Variants in DNASE1 observed in about 807,000 individuals in gnomAD.
The protein encoded by DNASE1 is deoxyribonuclease 1, also known as deoxyribonuclease-1.
Under a neutral mutation model 33.9 loss-of-function variants are expected in DNASE1, and 40 were observed. That is an observed-to-expected ratio of 1.18 (90% CI 0.92 to 1.54). The LOEUF is 1.54. Among genes scored for constraint, DNASE1 ranks in the 40% most tolerant of loss-of-function variants. The pLI, the probability that DNASE1 is intolerant of heterozygous loss-of-function variation, is 0.00. For missense variants in DNASE1, 518 were observed against 372.6 expected, an observed-to-expected ratio of 1.39 and a Z score of -3.21; for synonymous variants, 216 against 160.0, an observed-to-expected ratio of 1.35 and a Z score of -2.64.
intron 4 of DNASE1, 100 bp from the exon 5 acceptor site, chr16:3,656,538 C>G: frequency 1.1e-6 from 1 of 911,088 alleles, no homozygotes; most frequent in Non-Finnish European, 1.7e-6. Context: ...CTGGCTCCCC[C>G]GCCCTCCTGT....
upstream of DNASE1, among the ~76,000 whole-genome samples, chr16:3,641,507 G>A (rs1404542177): frequency 6.6e-6 from 1 of 152,168 alleles, no homozygotes; most frequent in Non-Finnish European, 1.5e-5. Flanking sequence ...ATCTTCCACC[G>A]ACCACAGGCT....
At chr16:3,643,895 G>A (rs946621611) in intron 1 of DNASE1, among the ~76,000 whole-genome samples, 10 of 152,194 alleles carry the variant, frequency 6.6e-5, no homozygotes, top group Non-Finnish European at 1.3e-4. Context: ...CCAGTAGCTG[G>A]GACTACAGGC....
intron 1 of DNASE1, among the ~76,000 whole-genome samples, chr16:3,648,578 G>A (rs1036339241): frequency 2.6e-5 from 4 of 152,016 alleles, no homozygotes; most frequent in Non-Finnish European, 5.9e-5. Context: ...CCAAGATCGC[G>A]CCACTGCACT....
At chr16:3,644,261 C>T (rs1372590672) in intron 1 of DNASE1, among the ~76,000 whole-genome samples, 1 of 151,536 alleles carries the variant, frequency 6.6e-6, no homozygotes, top group Non-Finnish European at 1.5e-5. Flanking sequence ...CTTGTCTCTA[C>T]TAAAAATTTT....
At chr16:3,653,827 A>C (rs1452118683), upstream of DNASE1, 3 of 146,050 alleles carry the variant, frequency 2.1e-5, no homozygotes, top group East Asian at 5.9e-4. Context: ...AAAAAAAAAA[A>C]AAAAAAAAAA....
chr16:3,655,112 C>T (rs2042507316), intron 1 of DNASE1, 68 bp downstream of exon 1: 3 of 598,404 alleles, frequency 5.0e-6, no homozygotes, highest in South Asian at 2.0e-5. Context: ...CTTAGAGTCT[C>T]ATCCTCCAGC....
intron 3 of DNASE1, 75 bp downstream of exon 3, chr16:3,656,012 G>C: frequency 1.9e-6 from 3 of 1,610,790 alleles, no homozygotes; most frequent in Non-Finnish European, 2.5e-6. Context: ...TGGGCCCCAA[G>C]GGTGGGGACC....
At chr16:3,631,792 A>C (rs921370363) in intron 1 of DNASE1, among the ~76,000 whole-genome samples, 1 of 152,112 alleles carries the variant, frequency 6.6e-6, no homozygotes, top group African/African-American at 2.4e-5. Flanking sequence ...CAAAGTGCTG[A>C]GATTACAGGC....
At chr16:3,643,733 A>G (rs973526272) in intron 1 of DNASE1, among the ~76,000 whole-genome samples, 1 of 152,286 alleles carries the variant, frequency 6.6e-6, no homozygotes, top group Non-Finnish European at 1.5e-5. Context: ...TGTTAATCAC[A>G]TCTGTTTTAT....
At chr16:3,617,920 A>T (rs752321475) in intron 1 of DNASE1, among the ~76,000 whole-genome samples, 23 of 152,178 alleles carry the variant, frequency 1.5e-4, no homozygotes, top group Non-Finnish European at 3.1e-4. Context: ...GAACAGTGAG[A>T]ATTTCTGTTG....
At chr16:3,638,913 A>G (rs1400444234), upstream of DNASE1, among the ~76,000 whole-genome samples, 1 of 151,868 alleles carries the variant, frequency 6.6e-6, no homozygotes, top group African/African-American at 2.4e-5. Flanking sequence ...TTTTCATTTC[A>G]GGTTTTGTTT....
rs141361125 is a variant in DNASE1 at position 3,663,513 on chromosome 16, C to T, written c.*5560C>T. 1.6e-5 allele frequency: 26 copies of T among 1,614,002 alleles called. 1 individual carries two copies. Among genetic ancestry groups the T allele is most frequent in the South Asian group, 9.9e-5 (9 of 91,082 alleles). ...GATCAGCTTCTTCTTGTCAAACTCA[C>T]GAAGGTGCAGCAGGGTGAGCTCATC... On this transcript the variant is annotated 3_prime_UTR_variant, in exon 10 of 10. Transcript: ENST00000407479.
At chr16:3,654,569 C>G (rs925255165), upstream of DNASE1, 1 of 398,714 alleles carries the variant, frequency 2.5e-6, no homozygotes, top group African/African-American at 2.1e-5. Flanking sequence ...CCGCACATAC[C>G]TGGCCCATCC....
exon 10 of DNASE1, chr16:3,664,824 G>C: frequency 4.6e-6 from 1 of 219,292 alleles, no homozygotes. Flanking sequence ...ACACGGACAC[G>C]GGTGAAGTCC....
chr16:3,648,638 G>A (rs1327609119), intron 1 of DNASE1, among the ~76,000 whole-genome samples: 1 of 152,204 alleles, frequency 6.6e-6, no homozygotes, highest in Non-Finnish European at 1.5e-5. Flanking sequence ...AACGTAGTGA[G>A]ACCCTGTTCC....
At position 3,657,077 on chromosome 16, in the gene DNASE1, T is replaced by G; in HGVS notation, c.515T>G (p.Val172Gly). Residue 172 changes from valine to glycine, a missense_variant, in exon 6 of 9, where the codon GTC becomes GGC. Physicochemically the swap from Val to Gly is moderately radical, Grantham distance 109. Transcript: ENST00000246949. Reference sequence around the variant, plus strand: ...GCCGAGATCGACGCTCTCTATGACGTCTACCTGGATGTCCAAGAGAAATGG... The same window carrying G: ...GCCGAGATCGACGCTCTCTATGACGGCTACCTGGATGTCCAAGAGAAATGG... ...AVAEIDALYD[V>G]YLDVQEKWGL... 1.2e-6 allele frequency: 2 copies of G among 1,614,064 alleles called. No individual in the cohort carries two copies. Among genetic ancestry groups the G allele is most frequent in the Non-Finnish European group, 1.7e-6 (2 of 1,180,004 alleles).
Position 3,657,906 on chromosome 16 carries a change from GC to G in DNASE1, c.805del (p.Gln269LysfsTer11). 1 of 1,613,990 alleles carries G rather than the reference GC, an allele frequency of 6.2e-7. No homozygotes were observed. The highest frequency in any genetic ancestry group is 8.5e-7 in the Non-Finnish European group (1 of 1,180,002). Reference protein sequence around the residue: ...QAAYGLSDQLAQAISDHYPVE... With the variant: ...QAAYGLSDQLXQAISDHYPVE... Reference sequence around the variant, plus strand: ...AGACCCTGTGCCCACTTGCCTGCAGGCCCAAGCCATCAGTGACCACTATCCA... The same window carrying G: ...AGACCCTGTGCCCACTTGCCTGCAGGCCAAGCCATCAGTGACCACTATCCA... On this transcript the variant is annotated frameshift_variant and splice_region_variant, in exon 9 of 9. Coordinates refer to ENST00000246949, the MANE Select transcript of DNASE1 (RefSeq NM_005223.4). LOFTEE classifies it high-confidence loss of function.
chr16:3,612,136 A>G (rs1269083740), intron 1 of DNASE1: 2 of 152,480 alleles, frequency 1.3e-5, no homozygotes, highest in African/African-American at 4.8e-5. Flanking sequence ...GAAGCCAGCC[A>G]GGGCCTGGGG....
chr16:3,663,302 T>A, exon 10 of DNASE1: 1 of 1,348,160 alleles, frequency 7.4e-7, no homozygotes, highest in African/African-American at 1.5e-5. Flanking sequence ...ACAAGGCTCT[T>A]CTCGGGGGTG....
Sources: gnomAD v4.1 joint callset for allele counts (sites outside exome capture counted in the v4.1 genomes callset) on GRCh38, gnomAD v4.1.1 for gene constraint, MANE v1.5 for transcripts, NCBI Gene and HGNC (gene_info 2026-07-23, HGNC 2026-07-21) for gene names.